The following MIP variants were observed in gnomAD, a reference collection of about 807,000 sequenced individuals.
MIP encodes major intrinsic protein of lens fiber.
MIP carries 14 observed loss-of-function variants against 21.8 expected under a neutral mutation model. The observed-to-expected ratio is 0.64, with a 90% CI of 0.42 to 1.00. The LOEUF (loss-of-function observed/expected upper bound fraction) is 1.00. Among genes scored for constraint, MIP ranks in the 50% least tolerant of loss-of-function variants. The pLI, the probability that MIP is intolerant of heterozygous loss-of-function variation, is 0.00. For synonymous variants in MIP, 133 were observed against 141.4 expected, an observed-to-expected ratio of 0.94 and a Z score of 0.42; for missense variants, 260 against 333.5, an observed-to-expected ratio of 0.78 and a Z score of 1.72.
rs764482064 is a variant in MIP, at chr12:56,451,283, C to T, written c.789G>A (p.Leu263=). Residue 263 remains leucine (L), a synonymous_variant, in exon 4 of 4, where the codon CTG becomes CTA. Transcript: ENST00000652304. ...TCCCTCTATTCAGCTGGAGCTTCTA[C>T]AGGGCCTGGGTGTTCAGTTCAACAG... ...GEPVELNTQA[L] is the part of the protein sequence containing the mutation. 4.3e-6 allele frequency: 7 copies of T among 1,613,438 alleles called. No individual in the cohort carries two copies. The highest frequency in any genetic ancestry group is 2.2e-5 in the South Asian group (2 of 91,042).
At chr12:56,451,568 G>T in intron 3 of MIP, 103 bp from the exon 4 acceptor site, 1 of 926,276 alleles carries the variant, frequency 1.1e-6, no homozygotes, top group Non-Finnish European at 1.7e-6. Context: ...TTGTACACTT[G>T]ATATCTACAA....
intron 3 of MIP, 32 bp from the exon 4 acceptor site, chr12:56,451,497 G>C: frequency 6.2e-7 from 1 of 1,605,406 alleles, no homozygotes; most frequent in Non-Finnish European, 8.5e-7. Flanking sequence ...ACTCAGGCTT[G>C]GGGAGGGGAC....
intron 1 of MIP, 23 bp downstream of exon 1, chr12:56,454,231 A>T: frequency 6.2e-7 from 1 of 1,613,942 alleles, no homozygotes; most frequent in Non-Finnish European, 8.5e-7. Flanking sequence ...CAGGTTCCCC[A>T]TCCCCTCTCA....
At position 56,451,215 on chromosome 12, in the gene MIP, G is replaced by A. The variant is rs1484934321; in HGVS notation, c.*65C>T. ...TCCCCACAGTCTCTTTCTTCATCTA[G>A]GGGCTGGCTAAACCCCTCCACGTAA... On this transcript the variant is annotated 3_prime_UTR_variant, in exon 4 of 4. Coordinates refer to ENST00000652304, the MANE Select transcript of MIP (RefSeq NM_012064.4). 25 of 1,428,006 alleles carry A rather than the reference G, an allele frequency of 1.8e-5. No homozygotes were observed. The highest frequency in any genetic ancestry group is 2.5e-5 in the Non-Finnish European group (25 of 1,013,852). The allele number at this position is 1,428,006 out of a possible 1,614,324, so 88.5% of individuals were successfully genotyped here. A position where few individuals can be genotyped will look rare whatever the true frequency, so the allele number is the denominator to read the frequency against.
At chr12:56,454,143 C>G (rs1868716335) in intron 1 of MIP, 111 bp downstream of exon 1, 4 of 1,437,672 alleles carry the variant, frequency 2.8e-6, no homozygotes, top group Non-Finnish European at 3.9e-6. Flanking sequence ...CTCACACATG[C>G]ACATATTGTC....
intron 2 of MIP, 147 bp from the exon 3 acceptor site, chr12:56,453,299 C>T: frequency 1.3e-6 from 1 of 752,028 alleles, no homozygotes; most frequent in Non-Finnish European, 2.3e-6. Flanking sequence ...TCCAGGGGTT[C>T]CTGCAATGGG....
intron 3 of MIP, among the ~76,000 whole-genome samples, chr12:56,451,701 C>T (rs1868625315): frequency 6.6e-6 from 1 of 152,190 alleles, no homozygotes; most frequent in Non-Finnish European, 1.5e-5. Flanking sequence ...AAATTTTATA[C>T]ATTGTGGTAA....
chr12:56,451,284 A>G lies in MIP; in HGVS notation c.788T>C (p.Leu263Pro), dbSNP rs1260940146. Residue 263 changes from leucine (L) to proline (P), a missense_variant, in exon 4 of 4, where the codon CTG becomes CCG. By Grantham distance (98) the Leu-to-Pro change is moderately conservative. Transcript: ENST00000652304. ...CCCTCTATTCAGCTGGAGCTTCTAC[A>G]GGGCCTGGGTGTTCAGTTCAACAGG... Reference protein sequence around the residue: ...GEPVELNTQAL With the variant: ...GEPVELNTQAP The G allele has an allele frequency of 1.2e-6, 2 of 1,613,498 alleles. No individual in the cohort carries two copies. Among genetic ancestry groups the G allele is most frequent in the African/African-American group, 2.7e-5 (2 of 75,030 alleles).
chr12:56,454,151 G>A (rs74094743), intron 1 of MIP, 103 bp downstream of exon 1: 2 of 1,498,798 alleles, frequency 1.3e-6, no homozygotes, highest in Admixed American at 3.4e-5. Context: ...TGCACATATT[G>A]TCCCAGACCC....
In MIP at chr12:56,451,331, T is replaced by G. The variant is rs1370801585; in HGVS notation, c.741A>C (p.Gly247=). 6.2e-7 allele frequency: 1 copy of G among 1,614,028 alleles called. No homozygotes were observed. Among genetic ancestry groups the G allele is most frequent in the East Asian group, 2.2e-5 (1 of 44,878 alleles). ...LKGAKPDVSN[G]QPEVTGEPVE... ...CAGGTTCCCCTGTGACCTCTGGTTG[T>G]CCATTGGAGACATCGGGTTTGGCAC... The change falls in exon 4 of 4, where the codon GGA becomes GGC. Residue 247 remains glycine, a synonymous_variant. Transcript: ENST00000652304.
upstream of MIP, among the ~76,000 whole-genome samples, chr12:56,456,467 T>C (rs991826290): frequency 1.3e-5 from 2 of 151,814 alleles, no homozygotes; most frequent in African/African-American, 2.4e-5. Context: ...TGAAACCCCG[T>C]CTCTACTAAA....
At chr12:56,452,261 T>C (rs1202067133) in intron 3 of MIP, among the ~76,000 whole-genome samples, 4 of 152,168 alleles carry the variant, frequency 2.6e-5, no homozygotes, top group African/African-American at 4.8e-5. Context: ...AAATACCCCA[T>C]ATAAATGTAA....
At chr12:56,454,137 C>CA in intron 1 of MIP, 117 bp downstream of exon 1, 4 of 1,402,418 alleles carry the variant, frequency 2.9e-6, no homozygotes, top group Non-Finnish European at 4.0e-6. Flanking sequence ...CACATGCTCA[C>CA]ACATGCACAT....
intron 3 of MIP, 52 bp from the exon 4 acceptor site, chr12:56,451,517 A>G (rs2136164825): frequency 1.3e-6 from 2 of 1,521,678 alleles, no homozygotes; most frequent in South Asian, 1.1e-5. Flanking sequence ...CAGAGTAGCA[A>G]CGCTGCTCTT....
intron 3 of MIP, 196 bp downstream of exon 3, chr12:56,452,876 T>C (rs762569857): frequency 3.2e-6 from 2 of 624,526 alleles, no homozygotes; most frequent in Non-Finnish European, 2.9e-6. Flanking sequence ...AGGAAAAATA[T>C]GAGCAAGAGC....
At chr12:56,453,842 C>T (rs997639550) in intron 1 of MIP, 87 bp from the exon 2 acceptor site, 37 of 1,356,468 alleles carry the variant, frequency 2.7e-5, no homozygotes, top group Non-Finnish European at 3.1e-5. Flanking sequence ...GATCTCGTTA[C>T]GGCATCAGGT....
At chr12:56,455,635 G>C (rs1236322958), upstream of MIP, among the ~76,000 whole-genome samples, 1 of 152,142 alleles carries the variant, frequency 6.6e-6, no homozygotes, top group Non-Finnish European at 1.5e-5. Context: ...AGAGGGAAAA[G>C]GATAATATGG....
At chr12:56,454,925 C>A (rs1020819779), upstream of MIP, among the ~76,000 whole-genome samples, 4 of 152,122 alleles carry the variant, frequency 2.6e-5, no homozygotes, top group Admixed American at 1.3e-4. Flanking sequence ...AAGAGTCTGC[C>A]CTTCTGTGTG....
At chr12:56,452,230 G>A (rs889711149) in intron 3 of MIP, among the ~76,000 whole-genome samples, 17 of 151,826 alleles carry the variant, frequency 1.1e-4, no homozygotes, top group African/African-American at 2.2e-4. Context: ...TCTACTTTGC[G>A]TCTGTGAATT....
Sources: allele counts gnomAD v4.1 joint callset (sites outside exome capture counted in the v4.1 genomes callset), GRCh38; gene constraint gnomAD v4.1.1; transcripts MANE v1.5; gene names NCBI Gene and HGNC (gene_info 2026-07-23, HGNC 2026-07-21).